Variants in SFI1 observed in about 807,000 individuals in gnomAD.
SFI1 encodes the protein SFI1 centrin binding protein.
A neutral mutation model predicts 207.5 loss-of-function variants in SFI1; 195 were observed. The ratio of observed to expected loss-of-function variants is 0.94; its 90% CI spans 0.84 to 1.06. The LOEUF (loss-of-function observed/expected upper bound fraction) is 1.06, where lower values mean the gene tolerates loss of function less well. Ranked by LOEUF, SFI1 falls within the 50% of genes least tolerant of loss-of-function variation. The pLI is 0.00. For synonymous variants in SFI1, 630 were observed against 598.9 expected (o/e 1.05, Z -0.76); for missense variants, 1,634 against 1,588.0 (o/e 1.03, Z -0.49).
intron 4 of SFI1, among the ~76,000 whole-genome samples, chr22:31,546,609 T>G (rs1021473855): frequency 8.7e-5 from 13 of 149,314 alleles, no homozygotes; most frequent in Admixed American, 8.0e-4. Context: ...TGTGAGGCAC[T>G]GCGCCCGACC....
At position 31,527,784 on chromosome 22, in the gene SFI1, G is replaced by A. The variant is rs187706393; in HGVS notation, c.93-906G>A. ...GAGCCCAGGAATTTGAGACTAGCCT[G>A]GGCAATATAGTGAGACCCTGTCTCT... is the stretch of plus-strand genomic sequence containing the variant. On this transcript the variant is annotated intron_variant, in intron 2 of 32. Transcript: ENST00000400288. Among the ~76,000 whole-genome samples, 156 of 152,102 alleles carry A rather than the reference G, an allele frequency of 1.0e-3. 1 individual carries two copies. The highest frequency in any genetic ancestry group is 0.01 in the Admixed American group (155 of 15,236).
chr22:31,602,549 C>T, intron 16 of SFI1, 58 bp from the exon 17 acceptor site: 7 of 1,581,618 alleles, frequency 4.4e-6, no homozygotes, highest in Non-Finnish European at 6.1e-6. Context: ...TCTTTCCTGG[C>T]TTCTGTGCCT....
At position 31,618,441 on chromosome 22, in the gene SFI1, G is replaced by A. The variant is rs1446619714; in HGVS notation, c.*23G>A. 1.3e-6 allele frequency: 2 copies of A among 1,523,376 alleles called. No homozygotes were observed. Among genetic ancestry groups the A allele is most frequent in the Non-Finnish European group, 8.8e-7 (1 of 1,133,412 alleles). The allele number at this position is 1,523,376 out of a possible 1,614,324, so 94.4% of individuals were successfully genotyped here. A position where few individuals can be genotyped will look rare whatever the true frequency, so the allele number is the denominator to read the frequency against. On this transcript the variant is annotated 3_prime_UTR_variant, in exon 33 of 33. Coordinates refer to ENST00000400288, the MANE Select transcript of SFI1 (RefSeq NM_001007467.3). The stretch of plus-strand genomic sequence containing the variant: ...TAGCGTGTTCGCACCAGGAACGCAG[G>A]TGCTGGGCTGTCGGGGAGGCCTCAG...
chr22:31,580,245 A>G, intron 11 of SFI1, 27 bp from the exon 12 acceptor site: 1 of 1,554,036 alleles, frequency 6.4e-7, no homozygotes, highest in Non-Finnish European at 8.9e-7. Flanking sequence ...CAGTCCTTGT[A>G]ATCAGTTGTG....
rs1369666392 is a variant in SFI1, at chr22:31,611,132, A to C, written c.2255-11A>C. The C allele has an allele frequency of 1.2e-6, 2 of 1,614,052 alleles. No homozygotes were observed. The highest frequency in any genetic ancestry group is 4.5e-5 in the East Asian group (2 of 44,896). ...CACAAAACAGCAAACTCTGACTTGGATCTGCCTTAGGCTGTCTGCGGACCT... is the reference window on the plus strand; with the variant it reads ...CACAAAACAGCAAACTCTGACTTGGCTCTGCCTTAGGCTGTCTGCGGACCT... On this transcript the variant is annotated splice_polypyrimidine_tract_variant and intron_variant, in intron 22 of 32. Transcript: ENST00000400288.
chr22:31,517,125 C>G (rs1388419450), intron 2 of SFI1, among the ~76,000 whole-genome samples: 1 of 151,264 alleles, frequency 6.6e-6, no homozygotes, highest in Non-Finnish European at 1.5e-5. Flanking sequence ...CAGAGTGAGA[C>G]TCTGTCTCAA....
intron 9 of SFI1, among the ~76,000 whole-genome samples, chr22:31,574,359 C>T (rs1221263636): frequency 1.3e-5 from 2 of 152,328 alleles, no homozygotes; most frequent in South Asian, 4.1e-4. Flanking sequence ...ATGCCTGCCT[C>T]CAATTACAGC....
At chr22:31,615,395 C>G (rs766650936) in intron 29 of SFI1, 116 bp downstream of exon 29, 1 of 984,686 alleles carries the variant, frequency 1.0e-6, no homozygotes, top group Non-Finnish European at 1.4e-6. Context: ...AGGGAGGCCA[C>G]TCATCCATTT....
chr22:31,547,649 C>T (rs1375538454), intron 5 of SFI1, among the ~76,000 whole-genome samples: 1 of 143,740 alleles, frequency 7.0e-6, no homozygotes, highest in African/African-American at 2.6e-5. Context: ...GATGGAATTT[C>T]GCTCTTGTTG....
At chr22:31,550,229 C>G (rs1051573965) in intron 5 of SFI1, 25 bp from the exon 6 acceptor site, 2 of 1,594,880 alleles carry the variant, frequency 1.3e-6, no homozygotes, top group Non-Finnish European at 1.7e-6. Context: ...TGAAGAAATG[C>G]CATTTACTTT....
chr22:31,555,582 T>C (rs1178632752), intron 6 of SFI1, among the ~76,000 whole-genome samples: 1 of 152,208 alleles, frequency 6.6e-6, no homozygotes, highest in Non-Finnish European at 1.5e-5. Flanking sequence ...TTCCATACTC[T>C]GGAAAGAGCA....
chr22:31,503,711 C>T (rs1214552821), intron 1 of SFI1, among the ~76,000 whole-genome samples: 2 of 151,394 alleles, frequency 1.3e-5, no homozygotes, highest in African/African-American at 2.4e-5. Context: ...TTTCAGCCTC[C>T]CAAGTAGCTC....
chr22:31,496,521 G>A (rs1439368995), upstream of SFI1: 4 of 152,282 alleles, frequency 2.6e-5, no homozygotes, highest in Non-Finnish European at 5.9e-5. Context: ...GGCGTCTAGA[G>A]GCGCGCGAAG....
intron 8 of SFI1, among the ~76,000 whole-genome samples, chr22:31,570,629 G>A (rs995865095): frequency 1.3e-5 from 2 of 152,222 alleles, no homozygotes; most frequent in African/African-American, 2.4e-5. Flanking sequence ...AGCGGGGTGC[G>A]GTGGCTCATG....
chr22:31,580,308 C>G lies in SFI1; in HGVS notation c.1192C>G (p.His398Asp). 6.2e-7 allele frequency: 1 copy of G among 1,613,996 alleles called. No individual in the cohort carries two copies. Among genetic ancestry groups the G allele is most frequent in the Non-Finnish European group, 8.5e-7 (1 of 1,179,946 alleles). The change falls in exon 12 of 33, where the codon CAC becomes GAC. Residue 398 changes from histidine (H) to aspartate (D), a missense_variant. By Grantham distance (81) the His-to-Asp change is moderately conservative. Coordinates refer to ENST00000400288, the MANE Select transcript of SFI1 (RefSeq NM_001007467.3). ...CFRALKDNVT[H>D]AHLQQIRRNL... ...TAGAGCCCTAAAAGACAATGTGACC[C>G]ACGCTCATCTCCAGCAAATAAGAAG...
intron 14 of SFI1, 136 bp downstream of exon 14, chr22:31,585,270 CAA>C (rs2064879831): frequency 6.2e-6 from 4 of 645,700 alleles, no homozygotes; most frequent in Non-Finnish European, 1.0e-5. Flanking sequence ...TGAAAAAGCT[CAA>C]AGTCATTTCT....
At chr22:31,504,175 T>C (rs2054268751) in intron 1 of SFI1, among the ~76,000 whole-genome samples, 1 of 152,116 alleles carries the variant, frequency 6.6e-6, no homozygotes, top group Non-Finnish European at 1.5e-5. Context: ...TCCTTGACCA[T>C]GAAGGACATT....
chr22:31,602,304 G>A lies in SFI1; in HGVS notation c.1626+11G>A. Reference sequence around the variant, plus strand: ...CTGGCAGAGAGAATGGTAAATGGCTGTCCCTGAGGAGATGTGTGGAGGGGC... The same window carrying A: ...CTGGCAGAGAGAATGGTAAATGGCTATCCCTGAGGAGATGTGTGGAGGGGC... On this transcript the variant is annotated intron_variant, in intron 16 of 32. Coordinates refer to ENST00000400288, the MANE Select transcript of SFI1 (RefSeq NM_001007467.3). The A allele has an allele frequency of 6.2e-7, 1 of 1,611,642 alleles. No homozygotes were observed. The highest frequency in any genetic ancestry group is 8.5e-7 in the Non-Finnish European group (1 of 1,178,018).
At chr22:31,609,282 G>T (rs1193284322) in intron 22 of SFI1, among the ~76,000 whole-genome samples, 6 of 152,054 alleles carry the variant, frequency 3.9e-5, no homozygotes, top group African/African-American at 1.4e-4. Context: ...ACAGGCGTGA[G>T]CCACTACACC....
Sources: gnomAD v4.1 joint callset for allele counts (sites outside exome capture counted in the v4.1 genomes callset) on GRCh38, gnomAD v4.1.1 for gene constraint, MANE v1.5 for transcripts, NCBI Gene and HGNC (gene_info 2026-07-23, HGNC 2026-07-21) for gene names.